PRKN: variants seen among roughly 807,000 people sequenced by gnomAD.
The protein encoded by PRKN is E3 ubiquitin-protein ligase parkin.
PRKN carries 56 observed loss-of-function variants against 59.5 expected under a neutral mutation model. The observed-to-expected ratio is 0.94, with a 90% CI of 0.76 to 1.18. The LOEUF is 1.18. Ranked by LOEUF, PRKN falls within the 50% of genes most tolerant of loss-of-function variation. The pLI is 0.00. For missense variants in PRKN, 657 were observed against 596.4 expected, an observed-to-expected ratio of 1.10 and a Z score of -1.06; for synonymous variants, 250 against 222.1, an observed-to-expected ratio of 1.13 and a Z score of -1.12.
At chr6:161,874,254 ATT>A (rs1326838648) in intron 6 of PRKN, among the ~76,000 whole-genome samples, 3 of 17,564 alleles carry the variant, frequency 1.7e-4, no homozygotes, top group Non-Finnish European at 4.7e-4. Flanking sequence ...TATAATATAT[ATT>A]ATATGTAAAA....
intron 1 of PRKN, among the ~76,000 whole-genome samples, chr6:162,611,995 C>G (rs1417364806): frequency 1.3e-5 from 2 of 150,776 alleles, no homozygotes. Context: ...ACCATCCTGG[C>G]TAACACGGTG....
At chr6:161,500,876 CTTTTT>C (rs34247928) in intron 9 of PRKN, among the ~76,000 whole-genome samples, 1 of 115,402 alleles carries the variant, frequency 8.7e-6, no homozygotes. Flanking sequence ...TTTTTTTTTT[CTTTTT>C]TTTTTTTTTT....
At chr6:162,549,153 C>T (rs947468325) in intron 1 of PRKN, among the ~76,000 whole-genome samples, 3 of 152,090 alleles carry the variant, frequency 2.0e-5, no homozygotes, top group Non-Finnish European at 4.4e-5. Context: ...AGCTCTGCCT[C>T]CTTCCTCAGT....
intron 7 of PRKN, among the ~76,000 whole-genome samples, chr6:161,713,066 C>G (rs1239528260): frequency 6.6e-6 from 1 of 152,202 alleles, no homozygotes; most frequent in Non-Finnish European, 1.5e-5. Context: ...GGCTACAAAC[C>G]AAGGTTCCCA....
chr6:162,479,742 G>A (rs1792199319), intron 1 of PRKN, among the ~76,000 whole-genome samples: 1 of 140,692 alleles, frequency 7.1e-6, no homozygotes, highest in East Asian at 2.2e-4. Flanking sequence ...GCCTGAGGCT[G>A]TTTTACAGTT....
chr6:162,397,095 C>T (rs1335789260), intron 2 of PRKN, among the ~76,000 whole-genome samples: 1 of 152,194 alleles, frequency 6.6e-6, no homozygotes, highest in Non-Finnish European at 1.5e-5. Context: ...GAGGCCTTCT[C>T]TTCCCACTAG....
At chr6:162,541,117 A>G (rs945578360) in intron 1 of PRKN, among the ~76,000 whole-genome samples, 1 of 152,180 alleles carries the variant, frequency 6.6e-6, no homozygotes, top group African/African-American at 2.4e-5. Context: ...TCAAACACGG[A>G]GTCCCTCCTA....
rs544638883 is a variant in PRKN at position 161,413,463 on chromosome 6, T to C, written c.1084-26586A>G. 1.8e-4 allele frequency among the ~76,000 whole-genome samples: 28 copies of C among 152,326 alleles called. No individual in the cohort carries two copies. Among genetic ancestry groups the C allele is most frequent in the Non-Finnish European group, 3.5e-4 (24 of 68,032 alleles). On this transcript the variant is annotated intron_variant, in intron 9 of 11. Transcript: ENST00000366898. This position sits in a 1 kb window ranked among gnomAD's most constrained non-coding sequence, Gnocchi z 4.4. ...ATACATCAGAGAGGACATAGGGATC[T>C]GGCCAGCTGGGAATGGAAGCCAAGT... is the stretch of plus-strand genomic sequence containing the variant.
intron 3 of PRKN, among the ~76,000 whole-genome samples, chr6:162,256,331 C>T (rs555429382): frequency 1.2e-4 from 18 of 152,244 alleles, no homozygotes; most frequent in Non-Finnish European, 2.1e-4. Flanking sequence ...AGCTACAGGT[C>T]ATACAAAATA....
intron 9 of PRKN, among the ~76,000 whole-genome samples, chr6:161,416,288 A>G (rs566475971): frequency 6.6e-6 from 1 of 152,156 alleles, no homozygotes; most frequent in African/African-American, 2.4e-5. Flanking sequence ...CCTCTGCTCT[A>G]ACATAACTGG....
chr6:162,458,505 A>G (rs1156854763), intron 1 of PRKN, among the ~76,000 whole-genome samples: 1 of 151,852 alleles, frequency 6.6e-6, no homozygotes, highest in African/African-American at 2.4e-5. Flanking sequence ...CTCAGACAGG[A>G]GCATTACTTT....
chr6:162,183,407 C>T (rs988839338), intron 4 of PRKN, among the ~76,000 whole-genome samples: 8 of 152,234 alleles, frequency 5.3e-5, no homozygotes, highest in African/African-American at 1.4e-4. Context: ...TCTGGTGGGT[C>T]TCCTTGCTGA....
At position 161,556,275 on chromosome 6, in the gene PRKN, T is replaced by C. The variant is rs554281658; in HGVS notation, c.934-7272A>G. ...AAAGGAAGACAAATATTTTAACATA[T>C]GCGCCTGGGAATTTCTGATGATTAA... is the stretch of plus-strand genomic sequence containing the variant. On this transcript the variant is annotated intron_variant, in intron 8 of 11. Coordinates refer to ENST00000366898, the MANE Select transcript of PRKN (RefSeq NM_004562.3). Among the ~76,000 whole-genome samples, 81 of 152,316 alleles carry C rather than the reference T, an allele frequency of 5.3e-4. 1 individual carries two copies. Among genetic ancestry groups the C allele is most frequent in the Non-Finnish European group, 1.0e-3 (69 of 68,012 alleles).
intron 2 of PRKN, among the ~76,000 whole-genome samples, chr6:162,376,712 G>A (rs1786109591): frequency 1.4e-5 from 2 of 142,596 alleles, no homozygotes; most frequent in African/African-American, 5.2e-5. Flanking sequence ...AGAGAGAGGG[G>A]GAAAGGGAAG....
intron 4 of PRKN, among the ~76,000 whole-genome samples, chr6:162,145,116 G>A (rs760491801): frequency 5.9e-5 from 9 of 152,054 alleles, no homozygotes; most frequent in Non-Finnish European, 1.3e-4. Flanking sequence ...AATTTATTAC[G>A]GAAATTGAAC....
At chr6:161,900,522 CAT>C (rs1247234942) in intron 6 of PRKN, among the ~76,000 whole-genome samples, 1 of 111,882 alleles carries the variant, frequency 8.9e-6, no homozygotes, top group Non-Finnish European at 1.8e-5. Context: ...ATATATACAA[CAT>C]ATCTTTTATA....
At position 161,814,020 on chromosome 6, in the gene PRKN, TAA is replaced by T. The variant is rs369978242; in HGVS notation, c.735-28114_735-28113del. ...CAGAGGTGGGGCAAATATATCCAAA[TAA>T]AAGAGGATCCTTTTATCTTATGCTC... On this transcript the variant is annotated intron_variant, in intron 6 of 11. Coordinates refer to ENST00000366898, the MANE Select transcript of PRKN (RefSeq NM_004562.3). Among the ~76,000 whole-genome samples, 843 of 152,242 alleles carry T rather than the reference TAA, an allele frequency of 5.5e-3. 6 individuals carry two copies. Among genetic ancestry groups the T allele is most frequent in the African/African-American group, 0.019 (792 of 41,550 alleles).
chr6:162,397,861 A>T (rs2128147989), intron 2 of PRKN, among the ~76,000 whole-genome samples: 1 of 151,996 alleles, frequency 6.6e-6, no homozygotes, highest in South Asian at 2.1e-4. Flanking sequence ...ATGTAGTGAA[A>T]CCCCATCTCT....
chr6:161,726,326 T>A (rs565106538), intron 7 of PRKN, among the ~76,000 whole-genome samples: 1 of 152,258 alleles, frequency 6.6e-6, no homozygotes, highest in Non-Finnish European at 1.5e-5. Context: ...ATTTATTCTA[T>A]GTAAACAGAG....
Sources: allele counts gnomAD v4.1 joint callset (sites outside exome capture counted in the v4.1 genomes callset), GRCh38; gene constraint gnomAD v4.1.1; non-coding constraint Gnocchi (gnomAD v3.1); transcripts MANE v1.5; gene names NCBI Gene and HGNC (gene_info 2026-07-23, HGNC 2026-07-21).